ANGPT1: variants seen among roughly 807,000 people sequenced by gnomAD.
The protein encoded by ANGPT1 is angiopoietin-1.
ANGPT1 carries 17 observed loss-of-function variants against 62.2 expected under a neutral mutation model. The observed-to-expected ratio is 0.27, with a 90% confidence interval of 0.19 to 0.41. The LOEUF (loss-of-function observed/expected upper bound fraction) is 0.41, where lower values mean the gene tolerates loss of function less well. Ranked by LOEUF, ANGPT1 falls within the 10% of genes least tolerant of loss-of-function variation. The pLI, the probability that ANGPT1 is intolerant of heterozygous loss-of-function variation, is 1.00. For missense variants in ANGPT1, 478 were observed against 594.9 expected, an observed-to-expected ratio of 0.80 and a Z score of 2.04; for synonymous variants, 199 against 198.9, an observed-to-expected ratio of 1.00 and a Z score of 0.00.
intron 1 of ANGPT1, among the ~76,000 whole-genome samples, chr8:107,417,269 T>C (rs1281583734): frequency 6.6e-6 from 1 of 152,164 alleles, no homozygotes; most frequent in East Asian, 1.9e-4. Flanking sequence ...TATAGATTCT[T>C]GCTAAGAGGG....
At chr8:107,358,357 T>C (rs1816091988) in intron 1 of ANGPT1, among the ~76,000 whole-genome samples, 2 of 143,104 alleles carry the variant, frequency 1.4e-5, no homozygotes. Flanking sequence ...TGACATCTTA[T>C]AAATGCAATA....
intron 1 of ANGPT1, among the ~76,000 whole-genome samples, chr8:107,452,347 G>C (rs1276020678): frequency 6.6e-6 from 1 of 151,702 alleles, no homozygotes; most frequent in Non-Finnish European, 1.5e-5. Context: ...CCAAAAAGCT[G>C]TGGATCCCAG....
At chr8:107,301,090 T>C (rs1189569846) in intron 5 of ANGPT1, among the ~76,000 whole-genome samples, 1 of 151,916 alleles carries the variant, frequency 6.6e-6, no homozygotes. Context: ...GTCCATAGAA[T>C]GACTAAAGCT....
chr8:107,371,441 C>T (rs576021985), intron 1 of ANGPT1, among the ~76,000 whole-genome samples: 3 of 152,266 alleles, frequency 2.0e-5, no homozygotes, highest in African/African-American at 7.2e-5. Context: ...AAAAGAAGAA[C>T]ACTGAAGCTT....
At chr8:107,427,448 A>T (rs150192954) in intron 1 of ANGPT1, among the ~76,000 whole-genome samples, 246 of 152,244 alleles carry the variant, frequency 1.6e-3, no homozygotes, top group African/African-American at 5.7e-3. Flanking sequence ...TGTACCAGCT[A>T]TCTGTTGAGG....
Position 107,300,411 on chromosome 8 carries a change from C to T in ANGPT1, c.936+2829G>A, listed in dbSNP as rs959355130. 2.6e-5 allele frequency among the ~76,000 whole-genome samples: 4 copies of T among 151,520 alleles called. No homozygotes were observed. In the East Asian group the frequency reaches 5.8e-4, roughly 22 times the overall value. On this transcript the variant is annotated intron_variant, in intron 5 of 8. Transcript: ENST00000517746. ...TCTTTATTATAGAACAATGTTACTACTTGTAAGAGAATCTATGATTATAAT... is the reference window on the plus strand; with the variant it reads ...TCTTTATTATAGAACAATGTTACTATTTGTAAGAGAATCTATGATTATAAT...
At chr8:107,380,402 A>G (rs138932159) in intron 1 of ANGPT1, among the ~76,000 whole-genome samples, 128 of 150,866 alleles carry the variant, frequency 8.5e-4, no homozygotes, top group Middle Eastern at 3.4e-3. Flanking sequence ...GCACAAAAAC[A>G]CATCTGACTA....
intron 7 of ANGPT1, among the ~76,000 whole-genome samples, chr8:107,266,798 G>C (rs926222456): frequency 6.6e-6 from 1 of 152,068 alleles, no homozygotes; most frequent in African/African-American, 2.4e-5. Context: ...TTAAATAAGA[G>C]ACTGCTATGT....
At chr8:107,342,811 A>T (rs1815722113) in intron 2 of ANGPT1, among the ~76,000 whole-genome samples, 1 of 141,070 alleles carries the variant, frequency 7.1e-6, no homozygotes, top group Non-Finnish European at 1.5e-5. Flanking sequence ...ACACACACAC[A>T]CACACACACA....
At chr8:107,446,654 T>C (rs1672167) in intron 1 of ANGPT1, among the ~76,000 whole-genome samples, 12,648 of 152,228 alleles carry the variant, frequency 0.083, 568 homozygotes, top group South Asian at 0.13. Flanking sequence ...CAGGGAGGAA[T>C]AGAATCAGGG....
intron 1 of ANGPT1, among the ~76,000 whole-genome samples, chr8:107,372,292 A>G (rs1816431601): frequency 6.6e-6 from 1 of 152,142 alleles, no homozygotes; most frequent in South Asian, 2.1e-4. Context: ...AATCATGCCC[A>G]GCTGAGAACT....
chr8:107,419,913 G>A (rs866404532), intron 1 of ANGPT1, among the ~76,000 whole-genome samples: 2 of 152,040 alleles, frequency 1.3e-5, no homozygotes, highest in Admixed American at 6.6e-5. Context: ...CAACCACTAC[G>A]CTAAATGCTT....
Position 107,249,541 on chromosome 8 carries a change from A to T in ANGPT1, c.*2314T>A, listed in dbSNP as rs191233649. The T allele has an allele frequency of 1.6e-3, 241 of 152,348 alleles. 1 individual carries two copies. Among genetic ancestry groups the T allele is most frequent in the African/African-American group, 5.5e-3 (228 of 41,592 alleles). 9.4% of individuals were successfully genotyped at this position (152,348 alleles called of 1,614,324 possible). A position where few individuals can be genotyped will look rare whatever the true frequency, so the allele number is the denominator to read the frequency against. ...AAATAATGTTGTGATGATATGAAGA[A>T]CTTTGCATAGAAACCACATGAATTT... On this transcript the variant is annotated 3_prime_UTR_variant, in exon 9 of 9. Transcript: ENST00000517746.
At position 107,252,035 on chromosome 8, in the gene ANGPT1, T is replaced by C. The variant is rs997915324; in HGVS notation, c.1337-20A>G. On this transcript the variant is annotated intron_variant, in intron 8 of 8. Transcript: ENST00000517746. ...ACCATCCTGAAAAAATAATTCATAA[T>C]AGAAGAGAGAAGGAGAGGCAACAAT... 6 of 1,605,758 alleles carry C rather than the reference T, an allele frequency of 3.7e-6. No individual in the cohort carries two copies. The African/African-American group carries it at 6.7e-5, about 18-fold the overall frequency.
chr8:107,252,081 G>T, intron 8 of ANGPT1, 66 bp from the exon 9 acceptor site: 1 of 1,502,284 alleles, frequency 6.7e-7, no homozygotes, highest in Non-Finnish European at 9.1e-7. Context: ...TGGAATATTT[G>T]GAAATTAATG....
In ANGPT1 at chr8:107,459,528, C is replaced by CAAA. The variant is rs1272204543; in HGVS notation, c.297+37731_297+37733dup. 4.8e-3 allele frequency among the ~76,000 whole-genome samples: 675 copies of CAAA among 140,464 alleles called. 10 individuals are homozygous for CAAA. Among genetic ancestry groups the CAAA allele is most frequent in the East Asian group, 0.032 (145 of 4,580 alleles). The allele number at this position is 140,464 out of a possible 152,430, so 92.1% of individuals were successfully genotyped here. ...ACAACAACAACAACAACAACAACAA[C>CAAA]AAAACAAGTAGATTAGAATTCAACT... On this transcript the variant is annotated intron_variant, in intron 1 of 8. Transcript: ENST00000517746.
At chr8:107,439,112 C>T (rs1468509964) in intron 1 of ANGPT1, among the ~76,000 whole-genome samples, 1 of 152,098 alleles carries the variant, frequency 6.6e-6, no homozygotes, top group South Asian at 2.1e-4. Flanking sequence ...AGTTTAGATA[C>T]ATATTAGTCA....
Position 107,497,540 on chromosome 8 carries a change from A to G in ANGPT1, c.19T>C (p.Phe7Leu). 1.2e-6 allele frequency: 2 copies of G among 1,613,984 alleles called. No homozygotes were observed. The highest frequency in any genetic ancestry group is 1.7e-6 in the Non-Finnish European group (2 of 1,179,940). Residue 7 changes from phenylalanine (F) to leucine (L), a missense_variant, in exon 1 of 9, where the codon TTT becomes CTT. Transcript: ENST00000517746. Reference sequence around the variant, plus strand: ...GTCAGAATGGCAGCGAGGAAAGCAAAGGAAAGGAAAACTGTCATTGTACTG... The same window carrying G: ...GTCAGAATGGCAGCGAGGAAAGCAAGGGAAAGGAAAACTGTCATTGTACTG... The part of the protein sequence containing the change: MTVFLS[F>L]AFLAAILTHI...
At chr8:107,431,776 G>T (rs1811193915) in intron 1 of ANGPT1, among the ~76,000 whole-genome samples, 1 of 151,742 alleles carries the variant, frequency 6.6e-6, no homozygotes. Flanking sequence ...AGGCACTGAG[G>T]AAACAGTTCA....
Sources: gnomAD v4.1 joint callset for allele counts (sites outside exome capture counted in the v4.1 genomes callset) on GRCh38, gnomAD v4.1.1 for gene constraint, MANE v1.5 for transcripts, NCBI Gene and HGNC (gene_info 2026-07-23, HGNC 2026-07-21) for gene names.